Variants in STXBP5L observed in about 807,000 individuals in gnomAD.
The protein encoded by STXBP5L is syntaxin binding protein 5L.
A neutral mutation model predicts 144.5 loss-of-function variants in STXBP5L; 65 were observed. That is an observed-to-expected ratio of 0.45 (90% CI 0.37 to 0.55). The LOEUF (loss-of-function observed/expected upper bound fraction) is 0.55, where lower values mean the gene tolerates loss of function less well. Ranked by LOEUF, STXBP5L falls within the 20% of genes least tolerant of loss-of-function variation. The probability of loss-of-function intolerance (pLI) is 0.00; values close to 1 mark genes in which losing one functional copy is unlikely to be tolerated. For missense variants in STXBP5L, 1,298 were observed against 1,405.5 expected, an observed-to-expected ratio of 0.92 and a Z score of 1.22; for synonymous variants, 505 against 469.6, an observed-to-expected ratio of 1.08 and a Z score of -0.97.
chr3:121,157,729 G>C (rs1192024577), intron 9 of STXBP5L, 102 bp downstream of exon 9: 1 of 1,457,764 alleles, frequency 6.9e-7, no homozygotes, highest in African/African-American at 1.5e-5. Context: ...AAAGTAATAG[G>C]ACATAGCTTC....
chr3:121,058,437 C>T (rs1296086803), intron 5 of STXBP5L, among the ~76,000 whole-genome samples: 1 of 152,140 alleles, frequency 6.6e-6, no homozygotes, highest in Non-Finnish European at 1.5e-5. Context: ...AAAAAGCATG[C>T]ATGTGCATGT....
chr3:120,990,844 G>T (rs1576591417), intron 3 of STXBP5L, among the ~76,000 whole-genome samples: 1 of 152,278 alleles, frequency 6.6e-6, no homozygotes, highest in South Asian at 2.1e-4. Flanking sequence ...ATGGATTAAA[G>T]ACTTAAATGT....
At chr3:120,940,552 C>T (rs946506945) in intron 2 of STXBP5L, among the ~76,000 whole-genome samples, 4 of 151,284 alleles carry the variant, frequency 2.6e-5, no homozygotes, top group Admixed American at 1.3e-4. Flanking sequence ...GACTCTGAGG[C>T]TGTTGATAGG....
chr3:121,300,563 G>A (rs141434931), intron 19 of STXBP5L, among the ~76,000 whole-genome samples: 73 of 152,022 alleles, frequency 4.8e-4, no homozygotes, highest in African/African-American at 1.7e-3. Context: ...AATAATTAAA[G>A]ATGCACTGTA....
intron 5 of STXBP5L, among the ~76,000 whole-genome samples, chr3:121,058,014 A>G (rs148262388): frequency 1.3e-5 from 2 of 152,224 alleles, no homozygotes; most frequent in African/African-American, 4.8e-5. Context: ...TTTGGGATAC[A>G]TGTGCAGAAA....
intron 5 of STXBP5L, among the ~76,000 whole-genome samples, chr3:121,100,593 G>A (rs2043368678): frequency 6.6e-6 from 1 of 152,086 alleles, no homozygotes. Flanking sequence ...TGCAACAAAA[G>A]CAATGTTAAG....
intron 20 of STXBP5L, among the ~76,000 whole-genome samples, chr3:121,368,799 G>T (rs1290381738): frequency 2.0e-5 from 3 of 152,106 alleles, no homozygotes. Context: ...TGTATATGCA[G>T]TTGTCTTCTT....
intron 5 of STXBP5L, among the ~76,000 whole-genome samples, chr3:121,090,285 A>C (rs2042714063): frequency 6.6e-6 from 1 of 152,098 alleles, no homozygotes; most frequent in Admixed American, 6.6e-5. Context: ...TGCTCCATTT[A>C]AACTCACTGA....
chr3:121,002,676 G>T (rs1232789648), intron 3 of STXBP5L, among the ~76,000 whole-genome samples: 1 of 151,876 alleles, frequency 6.6e-6, no homozygotes, highest in African/African-American at 2.4e-5. Flanking sequence ...TTTTACATTA[G>T]GTATACCTCC....
At chr3:121,374,795 A>G (rs1435699683) in intron 20 of STXBP5L, among the ~76,000 whole-genome samples, 1 of 152,014 alleles carries the variant, frequency 6.6e-6, no homozygotes, top group East Asian at 1.9e-4. Flanking sequence ...AGGGAGGAAA[A>G]GAGGGAGGGA....
chr3:121,212,090 G>C (rs955929387), intron 10 of STXBP5L, among the ~76,000 whole-genome samples: 2 of 152,002 alleles, frequency 1.3e-5, no homozygotes, highest in African/African-American at 4.8e-5. Context: ...ATTTGCTTAC[G>C]TTCCTTGTAG....
chr3:120,916,156 C>A (rs1462458449), intron 2 of STXBP5L, among the ~76,000 whole-genome samples: 1 of 151,744 alleles, frequency 6.6e-6, no homozygotes, highest in African/African-American at 2.4e-5. Context: ...TTATTGGAAG[C>A]CCAAAATTAC....
chr3:121,235,681 G>A (rs1179502049), intron 12 of STXBP5L, among the ~76,000 whole-genome samples: 2 of 151,804 alleles, frequency 1.3e-5, no homozygotes, highest in Non-Finnish European at 2.9e-5. Flanking sequence ...TTTAACCTCT[G>A]GTACCTCTAG....
At chr3:120,930,946 G>T (rs754594470) in intron 2 of STXBP5L, among the ~76,000 whole-genome samples, 1 of 152,084 alleles carries the variant, frequency 6.6e-6, no homozygotes, top group Non-Finnish European at 1.5e-5. Context: ...GCCTGTTCTT[G>T]TGGCAATCAC....
At chr3:121,228,160 A>G (rs2049182529) in intron 11 of STXBP5L, among the ~76,000 whole-genome samples, 1 of 152,230 alleles carries the variant, frequency 6.6e-6, no homozygotes, top group Non-Finnish European at 1.5e-5. Flanking sequence ...CAAAAGCAAT[A>G]CAGAAAGTTA....
intron 3 of STXBP5L, among the ~76,000 whole-genome samples, chr3:120,964,457 T>G (rs1292929823): frequency 6.6e-6 from 1 of 152,200 alleles, no homozygotes; most frequent in African/African-American, 2.4e-5. Flanking sequence ...GTCCCAGAGA[T>G]TCTGGTATGT....
chr3:121,046,050 G>C (rs755939072), intron 5 of STXBP5L, among the ~76,000 whole-genome samples: 4 of 152,036 alleles, frequency 2.6e-5, no homozygotes, highest in Non-Finnish European at 5.9e-5. Flanking sequence ...TTAATGTCTA[G>C]TTTGTTGAGG....
chr3:121,222,236 A>G (rs1267208860), intron 10 of STXBP5L, among the ~76,000 whole-genome samples: 1 of 152,124 alleles, frequency 6.6e-6, no homozygotes, highest in East Asian at 1.9e-4. Context: ...ATGAAAAATG[A>G]AAAACTGTGA....
intron 20 of STXBP5L, among the ~76,000 whole-genome samples, chr3:121,358,277 C>A (rs2045594138): frequency 1.5e-5 from 1 of 65,206 alleles, no homozygotes; most frequent in South Asian, 7.7e-4. Flanking sequence ...ACCCTTCTCA[C>A]CCTCTGGTAA....
Sources: gnomAD v4.1 joint callset for allele counts (sites outside exome capture counted in the v4.1 genomes callset) on GRCh38, gnomAD v4.1.1 for gene constraint, MANE v1.5 for transcripts, NCBI Gene and HGNC (gene_info 2026-07-23, HGNC 2026-07-21) for gene names.